Variants in ZFR2 observed in about 807,000 individuals in gnomAD.
The protein encoded by ZFR2 is zinc finger RNA-binding protein 2.
In ZFR2, 104 loss-of-function variants were observed where a neutral mutation model predicts 105.7. That is an observed-to-expected ratio of 0.98 (90% CI 0.84 to 1.16). The LOEUF is 1.16. Ranked by LOEUF, ZFR2 falls within the 50% of genes most tolerant of loss-of-function variation. The pLI, the probability that ZFR2 is intolerant of heterozygous loss-of-function variation, is 0.00. For synonymous variants in ZFR2, 634 were observed against 597.7 expected (o/e 1.06, Z -0.89); for missense variants, 1,425 against 1,355.5 (o/e 1.05, Z -0.80).
At chr19:3,811,060 A>G (rs1361670103) in intron 15 of ZFR2, among the ~76,000 whole-genome samples, 1 of 152,174 alleles carries the variant, frequency 6.6e-6, no homozygotes, top group African/African-American at 2.4e-5. Context: ...CCCCCAGGGC[A>G]GCACCCACTC....
chr19:3,811,905 C>T (rs1237760976), intron 14 of ZFR2, among the ~76,000 whole-genome samples: 16 of 152,128 alleles, frequency 1.1e-4, no homozygotes, highest in African/African-American at 3.6e-4. Context: ...GGACTGCAGG[C>T]GTGCACCACC....
At chr19:3,839,600 C>CTCTCTTAA (rs1313434316) in intron 1 of ZFR2, among the ~76,000 whole-genome samples, 1 of 138,726 alleles carries the variant, frequency 7.2e-6, no homozygotes, top group East Asian at 2.3e-4. Flanking sequence ...TGATCAGTAG[C>CTCTCTTAA]TCTCTTAATC....
intron 14 of ZFR2, among the ~76,000 whole-genome samples, chr19:3,812,388 G>T (rs1002919344): frequency 1.3e-5 from 2 of 152,132 alleles, no homozygotes; most frequent in African/African-American, 4.8e-5. Flanking sequence ...CCTAAAAAGG[G>T]AGTTTTAGAA....
At chr19:3,850,063 C>T (rs1022970491) in intron 1 of ZFR2, among the ~76,000 whole-genome samples, 4 of 152,200 alleles carry the variant, frequency 2.6e-5, no homozygotes, top group African/African-American at 9.7e-5. Flanking sequence ...TGTCCCGCCA[C>T]TCTGCTGTCT....
At chr19:3,849,920 G>A (rs1174458998) in intron 1 of ZFR2, among the ~76,000 whole-genome samples, 1 of 152,176 alleles carries the variant, frequency 6.6e-6, no homozygotes, top group African/African-American at 2.4e-5. Context: ...CTGGCCTGCA[G>A]GGCAACTCCC....
chr19:3,823,711 C>T lies in ZFR2; in HGVS notation c.1214-308G>A, dbSNP rs985000514. On this transcript the variant is annotated intron_variant, in intron 7 of 18. Coordinates refer to ENST00000262961, the MANE Select transcript of ZFR2 (RefSeq NM_015174.2). This position sits in a 1 kb window ranked among gnomAD's most constrained non-coding sequence, Gnocchi z 5.4. ...AGTTAATAGACCATGAAGTATCAGGCGGACCAAGGCTCGCACTTAACCTAC... is the reference window on the plus strand; with the variant it reads ...AGTTAATAGACCATGAAGTATCAGGTGGACCAAGGCTCGCACTTAACCTAC... Among the ~76,000 whole-genome samples the T allele has an allele frequency of 3.9e-5, 6 of 152,158 alleles. No homozygotes were observed. The highest frequency in any genetic ancestry group is 5.9e-5 in the Non-Finnish European group (4 of 68,030).
chr19:3,822,297 T>C, intron 8 of ZFR2, 97 bp from the exon 9 acceptor site: 1 of 1,509,288 alleles, frequency 6.6e-7, no homozygotes, highest in South Asian at 1.2e-5. Context: ...TCCTCCTTGC[T>C]GCTCATTTTA....
rs1030368911 is a variant in ZFR2 at position 3,806,430 on chromosome 19, T to C, written c.2644-305A>G. 7.0e-4 allele frequency among the ~76,000 whole-genome samples: 106 copies of C among 152,148 alleles called. 2 individuals are homozygous for C. Among genetic ancestry groups the C allele is most frequent in the Non-Finnish European group, 1.3e-4 (9 of 68,016 alleles). On this transcript the variant is annotated intron_variant, in intron 18 of 18. Transcript: ENST00000262961. ...GGCGTGTGCCACCACGCCCAGCTAA[T>C]TTTGTATTTTTAGTAGAGACAGGGT...
intron 1 of ZFR2, among the ~76,000 whole-genome samples, chr19:3,835,535 G>C (rs368391096): frequency 3.3e-4 from 48 of 147,302 alleles, no homozygotes; most frequent in Non-Finnish European, 6.1e-4. Context: ...GGATTTCACC[G>C]TGTTAACTAG....
chr19:3,830,092 G>C (rs2037994323), intron 5 of ZFR2, among the ~76,000 whole-genome samples: 1 of 151,130 alleles, frequency 6.6e-6, no homozygotes. Context: ...TTGAGCTTAG[G>C]AGTTCGAGAC....
chr19:3,857,345 C>T (rs2038317096), intron 1 of ZFR2, among the ~76,000 whole-genome samples: 1 of 151,956 alleles, frequency 6.6e-6, no homozygotes, highest in South Asian at 2.1e-4. Context: ...GGCCTGCAGG[C>T]TGTCAATTTT....
chr19:3,821,176 C>T (rs1169141594), intron 10 of ZFR2, among the ~76,000 whole-genome samples, 164 bp downstream of exon 10: 3 of 152,120 alleles, frequency 2.0e-5, no homozygotes, highest in South Asian at 2.1e-4. Flanking sequence ...AACCCTCTCA[C>T]GCTCCCACAC....
At chr19:3,845,738 T>A (rs2038178961) in intron 1 of ZFR2, among the ~76,000 whole-genome samples, 1 of 151,810 alleles carries the variant, frequency 6.6e-6, no homozygotes, top group Non-Finnish European at 1.5e-5. Context: ...AAGGCTGCAG[T>A]GAGCCATGAT....
At chr19:3,815,683 A>C (rs922115611) in intron 13 of ZFR2, among the ~76,000 whole-genome samples, 2 of 151,840 alleles carry the variant, frequency 1.3e-5, no homozygotes, top group Non-Finnish European at 2.9e-5. Context: ...TCTTGGGCTC[A>C]AGGGATTCTC....
At chr19:3,847,836 C>T (rs532119141) in intron 1 of ZFR2, among the ~76,000 whole-genome samples, 12 of 152,246 alleles carry the variant, frequency 7.9e-5, no homozygotes, top group Non-Finnish European at 1.5e-4. Context: ...GCAAAGAGGC[C>T]GGGAGAGCTG....
intron 1 of ZFR2, among the ~76,000 whole-genome samples, chr19:3,836,351 G>GTC (rs1461385105): frequency 2.0e-5 from 3 of 152,116 alleles, no homozygotes; most frequent in Admixed American, 1.3e-4. Flanking sequence ...TTGAGAAAGG[G>GTC]TCTCGCTCTG....
rs1352406084 is a variant in ZFR2, at chr19:3,813,522, C to T, written c.2242+298G>A. ...GCTGGTGTCACCAGGGCCTGAGAAG[C>T]AGGTGCCAGCCCTGGGTAAGGGCAA... On this transcript the variant is annotated intron_variant, in intron 14 of 18. Coordinates refer to ENST00000262961, the MANE Select transcript of ZFR2 (RefSeq NM_015174.2). The surrounding 1 kb of genome is among the most constrained non-coding windows in gnomAD (Gnocchi z 4.4). Among the ~76,000 whole-genome samples the T allele has an allele frequency of 6.6e-6, 1 of 152,216 alleles. No individual in the cohort carries two copies. Among genetic ancestry groups the T allele is most frequent in the South Asian group, 2.1e-4 (1 of 4,832 alleles).
intron 1 of ZFR2, among the ~76,000 whole-genome samples, chr19:3,839,575 A>G (rs1402567256): frequency 7.7e-6 from 1 of 130,640 alleles, no homozygotes; most frequent in Non-Finnish European, 1.6e-5. Context: ...AAAAAAAAAA[A>G]AAAGCAGAAA....
chr19:3,807,332 G>A (rs1020322315), intron 17 of ZFR2, 63 bp from the exon 18 acceptor site: 2 of 1,298,844 alleles, frequency 1.5e-6, no homozygotes, highest in Admixed American at 2.0e-5. Context: ...GACGGTGACA[G>A]GGCCGTCCCT....
Sources: gnomAD v4.1 joint callset for allele counts (sites outside exome capture counted in the v4.1 genomes callset) on GRCh38, gnomAD v4.1.1 for gene constraint, Gnocchi (gnomAD v3.1) non-coding constraint, MANE v1.5 for transcripts, NCBI Gene and HGNC (gene_info 2026-07-23, HGNC 2026-07-21) for gene names.